The following GREM2 variants were observed in gnomAD, a reference collection of about 807,000 sequenced individuals.
The protein encoded by GREM2 is gremlin-2.
A neutral mutation model predicts 14.2 loss-of-function variants in GREM2; 11 were observed. The ratio of observed to expected loss-of-function variants is 0.78; its 90% confidence interval spans 0.49 to 1.28. The LOEUF is 1.28. Ranked by LOEUF, GREM2 falls within the 50% of genes most tolerant of loss-of-function variation. The pLI, the probability that GREM2 is intolerant of heterozygous loss-of-function variation, is 0.00. For missense variants in GREM2, 210 were observed against 218.5 expected (o/e 0.96, Z 0.24); for synonymous variants, 98 against 97.6 (o/e 1.00, Z -0.02).
chr1:240,505,063 C>T (rs1677649268), intron 1 of GREM2, among the ~76,000 whole-genome samples: 2 of 152,224 alleles, frequency 1.3e-5, no homozygotes, highest in South Asian at 4.2e-4. Flanking sequence ...TAGTGCTGTG[C>T]TCATGATAGA....
chr1:240,555,219 A>G (rs1678932457), intron 1 of GREM2, among the ~76,000 whole-genome samples: 1 of 152,196 alleles, frequency 6.6e-6, no homozygotes, highest in Non-Finnish European at 1.5e-5. Context: ...ATTTTGTAAT[A>G]TTGAAGAATG....
At position 240,567,866 on chromosome 1, in the gene GREM2, T is replaced by G. The variant is rs554097376; in HGVS notation, c.-2+44018A>C. Among the ~76,000 whole-genome samples the G allele has an allele frequency of 1.7e-4, 26 of 152,330 alleles. No individual in the cohort carries two copies. The South Asian group carries it at 5.4e-3, about 32-fold the overall frequency. ...GCTCAAGCCTGTAATCCCAGCACTT[T>G]GGGAGGTTGAGGCAGGCAGATCACT... On this transcript the variant is annotated intron_variant, in intron 1 of 1. Coordinates refer to ENST00000318160, the MANE Select transcript of GREM2 (RefSeq NM_022469.4).
chr1:240,584,220 C>T (rs888792919), intron 1 of GREM2, among the ~76,000 whole-genome samples: 3 of 152,050 alleles, frequency 2.0e-5, no homozygotes, highest in Non-Finnish European at 2.9e-5. Flanking sequence ...AATGGCCGGG[C>T]GCAGTGGCTC....
intron 1 of GREM2, among the ~76,000 whole-genome samples, chr1:240,572,295 T>G (rs1679276148): frequency 6.6e-6 from 1 of 152,200 alleles, no homozygotes; most frequent in South Asian, 2.1e-4. Context: ...GGAATCAAAT[T>G]TAATCCACTG....
Position 240,563,833 on chromosome 1 carries a change from C to T in GREM2, c.-2+48051G>A, listed in dbSNP as rs567753168. 2.0e-5 allele frequency among the ~76,000 whole-genome samples: 3 copies of T among 152,268 alleles called. No homozygotes were observed. In the South Asian group the frequency reaches 6.2e-4, roughly 32 times the overall value. Reference sequence around the variant, plus strand: ...AATAAAACCTATAGGTAGACATGTACCCAATGGCCTTTGAACTTTCTCTGT... The same window carrying T: ...AATAAAACCTATAGGTAGACATGTATCCAATGGCCTTTGAACTTTCTCTGT... On this transcript the variant is annotated intron_variant, in intron 1 of 1. Transcript: ENST00000318160.
chr1:240,599,436 A>G (rs191086212), intron 1 of GREM2, among the ~76,000 whole-genome samples: 12 of 152,276 alleles, frequency 7.9e-5, no homozygotes, highest in African/African-American at 2.9e-4. Context: ...TGGCTAAAGA[A>G]GAACAGGATG....
intron 1 of GREM2, among the ~76,000 whole-genome samples, chr1:240,524,797 C>T (rs1030662945): frequency 6.6e-6 from 1 of 152,188 alleles, no homozygotes; most frequent in African/African-American, 2.4e-5. Context: ...TTCTGAACTA[C>T]TTCCAAGACA....
intron 1 of GREM2, among the ~76,000 whole-genome samples, chr1:240,596,339 A>T (rs1000112483): frequency 6.6e-6 from 1 of 152,204 alleles, no homozygotes; most frequent in African/African-American, 2.4e-5. Context: ...GGAATTACTC[A>T]ACTTTTCTGT....
chr1:240,535,506 G>A (rs758343036), intron 1 of GREM2, among the ~76,000 whole-genome samples: 6 of 152,208 alleles, frequency 3.9e-5, no homozygotes, highest in Admixed American at 1.3e-4. Context: ...ACGAATGTGA[G>A]AAAGAAATAT....
intron 1 of GREM2, among the ~76,000 whole-genome samples, chr1:240,552,415 T>C (rs1288656832): frequency 6.6e-6 from 1 of 151,962 alleles, no homozygotes; most frequent in Non-Finnish European, 1.5e-5. Flanking sequence ...ATGTGGTCTG[T>C]ACAAAAAAAT....
At chr1:240,534,950 G>T (rs1397875654) in intron 1 of GREM2, among the ~76,000 whole-genome samples, 2 of 152,078 alleles carry the variant, frequency 1.3e-5, no homozygotes, top group African/African-American at 4.8e-5. Context: ...CAGGACGAGT[G>T]GGTCTGGAGA....
chr1:240,553,192 T>G (rs1678889677), intron 1 of GREM2, among the ~76,000 whole-genome samples: 1 of 152,190 alleles, frequency 6.6e-6, no homozygotes, highest in Non-Finnish European at 1.5e-5. Context: ...CTATGCAAAG[T>G]CAACGGGTTT....
At chr1:240,555,690 T>G (rs1171520522) in intron 1 of GREM2, among the ~76,000 whole-genome samples, 1 of 152,184 alleles carries the variant, frequency 6.6e-6, no homozygotes, top group Non-Finnish European at 1.5e-5. Flanking sequence ...TAAGAGAAAT[T>G]TATCAGAGAT....
intron 1 of GREM2, among the ~76,000 whole-genome samples, chr1:240,562,779 G>A (rs1442434304): frequency 6.6e-6 from 1 of 151,298 alleles, no homozygotes; most frequent in African/African-American, 2.4e-5. Flanking sequence ...GTGTGTGTAT[G>A]AGTGTGTATG....
At chr1:240,563,727 T>C (rs1679118384) in intron 1 of GREM2, among the ~76,000 whole-genome samples, 1 of 152,194 alleles carries the variant, frequency 6.6e-6, no homozygotes, top group Non-Finnish European at 1.5e-5. Context: ...CAGGACCACA[T>C]ATCTAGATGA....
chr1:240,560,163 A>C (rs78448688), intron 1 of GREM2, among the ~76,000 whole-genome samples: 4,767 of 152,244 alleles, frequency 0.031, 154 homozygotes, highest in African/African-American at 0.079. Flanking sequence ...CAAAGGTTAA[A>C]ATTTAATATG....
intron 1 of GREM2, among the ~76,000 whole-genome samples, chr1:240,509,732 C>CT (rs1677762822): frequency 6.6e-6 from 1 of 152,156 alleles, no homozygotes; most frequent in South Asian, 2.1e-4. Flanking sequence ...GTTCGAATCT[C>CT]TTTCAGGCAA....
chr1:240,521,444 G>C (rs1393811430), intron 1 of GREM2, among the ~76,000 whole-genome samples: 1 of 151,408 alleles, frequency 6.6e-6, no homozygotes, highest in Admixed American at 6.6e-5. Context: ...GGTGAGGGGC[G>C]ACTGTAGTCC....
chr1:240,543,156 C>T lies in GREM2; in HGVS notation c.-1-49680G>A, dbSNP rs911940625. Reference sequence around the variant, plus strand: ...TTACATCCCCCATCAGATTGTGGATCACCTAAGGCTAGGGCCAGGCTTGCT... The same window carrying T: ...TTACATCCCCCATCAGATTGTGGATTACCTAAGGCTAGGGCCAGGCTTGCT... On this transcript the variant is annotated intron_variant, in intron 1 of 1. Coordinates refer to ENST00000318160, the MANE Select transcript of GREM2 (RefSeq NM_022469.4). The surrounding 1 kb of genome is among the most constrained non-coding windows in gnomAD (Gnocchi z 6.4). Among the ~76,000 whole-genome samples, 2 of 152,216 alleles carry T rather than the reference C, an allele frequency of 1.3e-5. No individual in the cohort carries two copies. Among genetic ancestry groups the T allele is most frequent in the Non-Finnish European group, 2.9e-5 (2 of 68,040 alleles).
Sources: allele counts gnomAD v4.1 joint callset (sites outside exome capture counted in the v4.1 genomes callset), GRCh38; gene constraint gnomAD v4.1.1; non-coding constraint Gnocchi (gnomAD v3.1); transcripts MANE v1.5; gene names NCBI Gene and HGNC (gene_info 2026-07-23, HGNC 2026-07-21).